NTM: variants seen among roughly 807,000 people sequenced by gnomAD.
The protein encoded by NTM is neurotrimin.
In NTM, 13 loss-of-function variants were observed where a neutral mutation model predicts 42.1. The observed-to-expected ratio is 0.31, with a 90% CI of 0.20 to 0.49. NTM has a LOEUF of 0.49. Among genes scored for constraint, NTM ranks in the 20% least tolerant of loss-of-function variants. NTM has a pLI of 0.99. For synonymous variants in NTM, 187 were observed against 179.2 expected (o/e 1.04, Z -0.35); for missense variants, 373 against 452.8 (o/e 0.82, Z 1.60).
At chr11:132,160,455 C>A (rs1247138903) in intron 3 of NTM, among the ~76,000 whole-genome samples, 1 of 152,200 alleles carries the variant, frequency 6.6e-6, no homozygotes, top group Non-Finnish European at 1.5e-5. Context: ...AGCCCAGGAC[C>A]TGGTTGAAGA....
At chr11:131,414,156 T>C (rs947401744) in intron 1 of NTM, among the ~76,000 whole-genome samples, 18 of 152,174 alleles carry the variant, frequency 1.2e-4, no homozygotes, top group African/African-American at 2.4e-5. Flanking sequence ...CAGGGTATTC[T>C]GGTGAAAGGT....
chr11:132,320,178 A>G (rs1403475266), intron 7 of NTM, among the ~76,000 whole-genome samples: 2 of 152,236 alleles, frequency 1.3e-5, no homozygotes, highest in Non-Finnish European at 2.9e-5. Flanking sequence ...AAGCCGCAAG[A>G]TGGCTGAATA....
At chr11:131,812,311 G>A (rs7942662) in intron 1 of NTM, among the ~76,000 whole-genome samples, 26,451 of 151,616 alleles carry the variant, frequency 0.17, 4,414 homozygotes, top group African/African-American at 0.44. Flanking sequence ...AATATATGAG[G>A]GTACGGGGAA....
chr11:131,667,631 C>T (rs2069311705), intron 1 of NTM, among the ~76,000 whole-genome samples: 1 of 152,182 alleles, frequency 6.6e-6, no homozygotes, highest in Non-Finnish European at 1.5e-5. Context: ...AGTTTCCTGC[C>T]TTACAGCAGT....
At chr11:132,248,067 A>G (rs1288687727) in intron 4 of NTM, among the ~76,000 whole-genome samples, 1 of 152,152 alleles carries the variant, frequency 6.6e-6, no homozygotes, top group Non-Finnish European at 1.5e-5. Flanking sequence ...AAATTAGGAG[A>G]AAGTGCTCCC....
At chr11:132,174,594 G>T (rs1024446285) in intron 3 of NTM, among the ~76,000 whole-genome samples, 5 of 152,298 alleles carry the variant, frequency 3.3e-5, no homozygotes, top group Middle Eastern at 3.4e-3. Context: ...GGGTGGAGCT[G>T]CTGCTCTTTG....
At chr11:131,404,423 T>C (rs2135709673) in intron 1 of NTM, among the ~76,000 whole-genome samples, 1 of 152,270 alleles carries the variant, frequency 6.6e-6, no homozygotes, top group Non-Finnish European at 1.5e-5. Context: ...CTACTCTGTT[T>C]CTTTTGTTTC....
intron 4 of NTM, among the ~76,000 whole-genome samples, chr11:132,259,604 C>T (rs1003495881): frequency 2.0e-5 from 3 of 151,904 alleles, no homozygotes; most frequent in Non-Finnish European, 2.9e-5. Context: ...CGTTTGAACC[C>T]GGGAGGCAGA....
chr11:131,592,965 A>T (rs1042457549), intron 1 of NTM, among the ~76,000 whole-genome samples: 3 of 152,174 alleles, frequency 2.0e-5, no homozygotes, highest in Admixed American at 6.5e-5. Flanking sequence ...AATGCATTGT[A>T]ATTGCAGACA....
intron 1 of NTM, among the ~76,000 whole-genome samples, chr11:131,598,781 T>C (rs1179198042): frequency 5.2e-5 from 4 of 76,996 alleles, no homozygotes; most frequent in Admixed American, 1.3e-4. Flanking sequence ...TTTCTTTCTT[T>C]CTTCTTTCTT....
intron 1 of NTM, among the ~76,000 whole-genome samples, chr11:131,823,909 G>A (rs571427399): frequency 9.2e-5 from 14 of 152,306 alleles, no homozygotes; most frequent in Admixed American, 2.6e-4. Context: ...ACATGAAAGC[G>A]CATGGAATAG....
intron 1 of NTM, among the ~76,000 whole-genome samples, chr11:131,677,381 G>A (rs1748429473): frequency 6.6e-6 from 1 of 152,232 alleles, no homozygotes; most frequent in Non-Finnish European, 1.5e-5. Flanking sequence ...CTAGCAAAGT[G>A]CTAGACCAAT....
rs1306806915 is a variant in NTM at position 131,789,553 on chromosome 11, GA to G, written c.83-122009del. ...AAGAAGAAGAAGAAGAAGAAAAGAA[GA>G]AGAAGAAGAAGAAGAAGAAGAAGAA... On this transcript the variant is annotated intron_variant, in intron 1 of 8. Coordinates refer to ENST00000683400, the MANE Select transcript of NTM (RefSeq NM_001352005.2). Among the ~76,000 whole-genome samples, 2 of 10,490 alleles carry G rather than the reference GA, an allele frequency of 1.9e-4. 1 individual carries two copies. The highest frequency in any genetic ancestry group is 3.5e-4 in the Non-Finnish European group (2 of 5,720). The allele number at this position is 10,490 out of a possible 152,430, so 6.9% of individuals were successfully genotyped here. A position where few individuals can be genotyped will look rare whatever the true frequency, so the allele number is the denominator to read the frequency against.
chr11:131,496,679 G>A (rs904107461), intron 1 of NTM, among the ~76,000 whole-genome samples: 1 of 152,200 alleles, frequency 6.6e-6, no homozygotes, highest in Non-Finnish European at 1.5e-5. Flanking sequence ...GGGGCATTTA[G>A]CTTGTTCCAG....
At chr11:132,259,130 C>A (rs551827530) in intron 4 of NTM, among the ~76,000 whole-genome samples, 1 of 152,260 alleles carries the variant, frequency 6.6e-6, no homozygotes, top group South Asian at 2.1e-4. Context: ...AGGTAAGAAT[C>A]ATGTATCTAG....
In NTM at chr11:132,283,068, C is replaced by A. The variant is rs567010314; in HGVS notation, c.527-24621C>A. Reference sequence around the variant, plus strand: ...GTGGCATGATTTTGGCTCACTGCAACCTTCGCCTCCTGGGTTCAAGCGATT... The same window carrying A: ...GTGGCATGATTTTGGCTCACTGCAAACTTCGCCTCCTGGGTTCAAGCGATT... On this transcript the variant is annotated intron_variant, in intron 4 of 8. Transcript: ENST00000683400. 2.7e-5 allele frequency among the ~76,000 whole-genome samples: 4 copies of A among 146,492 alleles called. No homozygotes were observed. In the East Asian group the frequency reaches 8.3e-4, roughly 30 times the overall value.
chr11:132,129,139 G>C (rs1410268700), intron 2 of NTM, among the ~76,000 whole-genome samples: 1 of 152,042 alleles, frequency 6.6e-6, no homozygotes, highest in Non-Finnish European at 1.5e-5. Context: ...TGGTAGGGTG[G>C]ATAGGGTGGG....
chr11:131,833,775 A>T (rs1053591151), intron 1 of NTM, among the ~76,000 whole-genome samples: 1 of 152,186 alleles, frequency 6.6e-6, no homozygotes, highest in Non-Finnish European at 1.5e-5. Flanking sequence ...GTGGTTAAAG[A>T]TGGGGGGATG....
chr11:131,698,724 G>A (rs757706878), intron 1 of NTM, among the ~76,000 whole-genome samples: 15 of 152,208 alleles, frequency 9.9e-5, no homozygotes, highest in South Asian at 4.1e-4. Context: ...AGCGCCCTCC[G>A]TCCTTGCTCT....
Sources: allele counts gnomAD v4.1 joint callset (sites outside exome capture counted in the v4.1 genomes callset), GRCh38; gene constraint gnomAD v4.1.1; transcripts MANE v1.5; gene names NCBI Gene and HGNC (gene_info 2026-07-23, HGNC 2026-07-21).